KIAA0825: variants seen among roughly 807,000 people sequenced by gnomAD.
KIAA0825 encodes the protein KIAA0825.
A neutral mutation model predicts 147.6 loss-of-function variants in KIAA0825; 119 were observed. The ratio of observed to expected loss-of-function variants is 0.81; its 90% CI spans 0.69 to 0.94. KIAA0825 has a LOEUF of 0.94. KIAA0825 is among the 40% of genes least tolerant of loss of function. The probability of loss-of-function intolerance (pLI) is 0.00; values close to 1 mark genes in which losing one functional copy is unlikely to be tolerated. For synonymous variants in KIAA0825, 470 were observed against 518.1 expected (o/e 0.91, Z 1.26); for missense variants, 1,381 against 1,472.7 (o/e 0.94, Z 1.02).
At chr5:94,468,993 A>G (rs900386801) in intron 10 of KIAA0825, among the ~76,000 whole-genome samples, 40 of 152,318 alleles carry the variant, frequency 2.6e-4, no homozygotes, top group African/African-American at 9.4e-4. Context: ...AGGAATTTCA[A>G]ATATTGTGGT....
At chr5:94,522,469 G>A (rs1768413004) in intron 4 of KIAA0825, among the ~76,000 whole-genome samples, 1 of 151,530 alleles carries the variant, frequency 6.6e-6, no homozygotes, top group South Asian at 2.1e-4. Context: ...ATCAAACAAA[G>A]AATAATAGAT....
At chr5:94,590,452 C>T (rs1018595831) in intron 1 of KIAA0825, among the ~76,000 whole-genome samples, 1 of 152,112 alleles carries the variant, frequency 6.6e-6, no homozygotes, top group Non-Finnish European at 1.5e-5. Context: ...AGGACAACAG[C>T]CACACTGAGA....
chr5:94,388,596 C>T (rs910066167), intron 18 of KIAA0825, among the ~76,000 whole-genome samples: 5 of 152,170 alleles, frequency 3.3e-5, no homozygotes, highest in African/African-American at 1.2e-4. Flanking sequence ...AACAATCTGT[C>T]TTAACTGATT....
chr5:94,288,939 T>C lies in KIAA0825; in HGVS notation c.3710+95429A>G, dbSNP rs6884527. Among the ~76,000 whole-genome samples, 1,399 of 152,232 alleles carry C rather than the reference T, an allele frequency of 9.2e-3. 22 individuals are homozygous for C. Among genetic ancestry groups the C allele is most frequent in the African/African-American group, 0.032 (1,314 of 41,548 alleles). ...AATGTGAGCTGCATTTGGCAACAAA[T>C]TGGTTACTGTGATGGCCCCCAACGT... On this transcript the variant is annotated intron_variant, in intron 20 of 20. Coordinates refer to ENST00000682413, the MANE Select transcript of KIAA0825 (RefSeq NM_001145678.3).
rs571493050 is a variant in KIAA0825, at chr5:94,610,263, T to C, written c.-153+8237A>G. Among the ~76,000 whole-genome samples, 8 of 148,356 alleles carry C rather than the reference T, an allele frequency of 5.4e-5. No homozygotes were observed. The South Asian group carries it at 6.4e-4, about 12-fold the overall frequency. On this transcript the variant is annotated intron_variant, in intron 1 of 20. Transcript: ENST00000682413. The stretch of plus-strand genomic sequence containing the variant: ...GGTGAAACCCCATCTCTACTAAAAA[T>C]ACAAAAATTAGCTGGGCATGGTGGC...
intron 1 of KIAA0825, among the ~76,000 whole-genome samples, chr5:94,608,493 T>TTA (rs368567176): frequency 6.2e-5 from 4 of 64,302 alleles, no homozygotes; most frequent in East Asian, 9.7e-4. Flanking sequence ...ATATATATAA[T>TTA]TATATATATA....
At chr5:94,171,632 C>T (rs1196082778) in intron 20 of KIAA0825, among the ~76,000 whole-genome samples, 1 of 151,840 alleles carries the variant, frequency 6.6e-6, no homozygotes, top group Non-Finnish European at 1.5e-5. Context: ...AACTTTTTTT[C>T]AAAACAAAAT....
At chr5:94,358,701 T>C (rs1048985070) in intron 20 of KIAA0825, among the ~76,000 whole-genome samples, 1 of 152,124 alleles carries the variant, frequency 6.6e-6, no homozygotes, top group African/African-American at 2.4e-5. Context: ...TTCTGATCCA[T>C]GAAACACAAC....
chr5:94,223,582 G>A (rs1583898558), intron 20 of KIAA0825, among the ~76,000 whole-genome samples: 1 of 152,142 alleles, frequency 6.6e-6, no homozygotes, highest in Non-Finnish European at 1.5e-5. Context: ...CAAGTGACAT[G>A]AATATATTAA....
At chr5:94,441,959 C>A (rs915814535) in intron 13 of KIAA0825, among the ~76,000 whole-genome samples, 5 of 152,186 alleles carry the variant, frequency 3.3e-5, no homozygotes, top group African/African-American at 1.2e-4. Flanking sequence ...ATTATTTCAT[C>A]AACTAAAGTT....
intron 20 of KIAA0825, among the ~76,000 whole-genome samples, chr5:94,200,555 T>C (rs1771571082): frequency 6.9e-6 from 1 of 145,134 alleles, no homozygotes; most frequent in South Asian, 2.1e-4. Context: ...TCTATGCTTA[T>C]AGAACTAGGC....
chr5:94,532,838 AAAG>A (rs1256091980), intron 3 of KIAA0825, among the ~76,000 whole-genome samples: 1 of 151,856 alleles, frequency 6.6e-6, no homozygotes, highest in Non-Finnish European at 1.5e-5. Context: ...AAAAAAAAAA[AAAG>A]TAGTCCAGCT....
At chr5:94,487,341 A>G (rs910708694) in intron 5 of KIAA0825, among the ~76,000 whole-genome samples, 2 of 152,218 alleles carry the variant, frequency 1.3e-5, no homozygotes, top group Non-Finnish European at 2.9e-5. Flanking sequence ...TCCTATTACT[A>G]TCAGCTCAGT....
intron 6 of KIAA0825, among the ~76,000 whole-genome samples, chr5:94,482,866 T>C (rs1762643800): frequency 1.3e-5 from 2 of 152,034 alleles, no homozygotes; most frequent in African/African-American, 2.4e-5. Flanking sequence ...ACATCCTGTG[T>C]TTGATAATCC....
chr5:94,589,392 T>A (rs1018059144), intron 1 of KIAA0825, among the ~76,000 whole-genome samples: 4 of 152,208 alleles, frequency 2.6e-5, no homozygotes, highest in African/African-American at 9.6e-5. Flanking sequence ...GCTATTGACA[T>A]TGCCTTTCCA....
intron 20 of KIAA0825, among the ~76,000 whole-genome samples, chr5:94,265,527 G>A (rs923070959): frequency 1.3e-5 from 2 of 151,866 alleles, no homozygotes; most frequent in Non-Finnish European, 2.9e-5. Context: ...GGCCAGGTGC[G>A]GTGGCTTACA....
rs1761465943 is a variant in KIAA0825 at position 94,473,476 on chromosome 5, A to G, written c.1271T>C (p.Val424Ala). ...DFGWRSAFKE[V>A]SLPMAHCVVT... ...TACGCAGTGCGCCATGGGAAGAGAC[A>G]CTTCTTTAAATGCACTTCTCCAGCC... The change falls in exon 8 of 21, where the codon GTG becomes GCG. Residue 424 changes from valine to alanine, a missense_variant. Physicochemically the swap from Val to Ala is moderately conservative, Grantham distance 64 (BLOSUM62 0). Transcript: ENST00000682413. 6 of 1,551,724 alleles carry G rather than the reference A, an allele frequency of 3.9e-6. No individual in the cohort carries two copies. Among genetic ancestry groups the G allele is most frequent in the South Asian group, 1.2e-5 (1 of 84,058 alleles).
At chr5:94,162,345 G>T (rs951213020) in intron 20 of KIAA0825, among the ~76,000 whole-genome samples, 2 of 151,992 alleles carry the variant, frequency 1.3e-5, no homozygotes, top group African/African-American at 4.8e-5. Flanking sequence ...TGTTGCCCAG[G>T]CTGGAGTGCA....
At chr5:94,505,376 A>T (rs1765625260) in intron 5 of KIAA0825, among the ~76,000 whole-genome samples, 1 of 151,930 alleles carries the variant, frequency 6.6e-6, no homozygotes, top group South Asian at 2.1e-4. Context: ...AAAAAAAAAA[A>T]AAGTTAATCT....
Sources: gnomAD v4.1 joint callset for allele counts (sites outside exome capture counted in the v4.1 genomes callset) on GRCh38, gnomAD v4.1.1 for gene constraint, MANE v1.5 for transcripts, NCBI Gene and HGNC (gene_info 2026-07-23, HGNC 2026-07-21) for gene names.